The following PEPD variants were observed in gnomAD, a reference collection of about 807,000 sequenced individuals.
The protein encoded by PEPD is xaa-Pro dipeptidase.
A neutral mutation model predicts 60.7 loss-of-function variants in PEPD; 53 were observed. The observed-to-expected ratio is 0.87, with a 90% CI of 0.70 to 1.10. PEPD has a LOEUF of 1.10. Ranked by LOEUF, PEPD falls within the 50% of genes least tolerant of loss-of-function variation. The pLI, the probability that PEPD is intolerant of heterozygous loss-of-function variation, is 0.00. For missense variants in PEPD, 711 were observed against 711.9 expected (o/e 1.00, Z 0.01); for synonymous variants, 267 against 284.1 (o/e 0.94, Z 0.60).
intron 9 of PEPD, among the ~76,000 whole-genome samples, chr19:33,446,139 T>C (rs993719316): frequency 2.0e-5 from 3 of 152,074 alleles, no homozygotes; most frequent in Admixed American, 2.0e-4. Context: ...ATTCCCCGAG[T>C]TCTTCCTGGG....
In PEPD at chr19:33,463,848, A is replaced by G. The variant is rs1244895189; in HGVS notation, c.624+139T>C. 2.0e-5 allele frequency: 14 copies of G among 711,398 alleles called. No individual in the cohort carries two copies. In the Admixed American group the frequency reaches 2.8e-4, roughly 14 times the overall value. 44.1% of individuals were successfully genotyped at this position (711,398 alleles called of 1,614,324 possible). A position where few individuals can be genotyped will look rare whatever the true frequency, so the allele number is the denominator to read the frequency against. On this transcript the variant is annotated intron_variant, in intron 8 of 14. Transcript: ENST00000244137. ...CCACCAGGGAACAGAAAAGAGAACA[A>G]TCACTGTGTAAAACTTCCTACCTCT... is the stretch of plus-strand genomic sequence containing the variant.
rs188629691 is a variant in PEPD, at chr19:33,481,521, G to T, written c.504-3431C>A. On this transcript the variant is annotated intron_variant, in intron 6 of 14. Transcript: ENST00000244137. ...GCTGAGCATGCAGTGAGCCGAGATC[G>T]TGCCATTGCACTCCAGCCTGGGTGA... Among the ~76,000 whole-genome samples the T allele has an allele frequency of 1.4e-3, 211 of 152,186 alleles. 1 individual carries two copies. The highest frequency in any genetic ancestry group is 4.3e-3 in the African/African-American group (180 of 41,534).
chr19:33,400,574 T>C (rs1023619444), intron 12 of PEPD, among the ~76,000 whole-genome samples: 1 of 152,198 alleles, frequency 6.6e-6, no homozygotes, highest in Non-Finnish European at 1.5e-5. Context: ...CAGATCTCAG[T>C]CAGAGTCGTG....
At chr19:33,485,569 C>A (rs1480471143) in intron 6 of PEPD, among the ~76,000 whole-genome samples, 1 of 151,622 alleles carries the variant, frequency 6.6e-6, no homozygotes, top group Non-Finnish European at 1.5e-5. Flanking sequence ...AAACCACGGT[C>A]CTCAAACCAC....
chr19:33,476,857 G>A (rs531887055), intron 7 of PEPD, among the ~76,000 whole-genome samples: 10 of 152,084 alleles, frequency 6.6e-5, no homozygotes, highest in African/African-American at 2.4e-4. Context: ...TAGAGACGGG[G>A]TTTCACTGTG....
rs543182289 is a variant in PEPD at position 33,415,597 on chromosome 19, C to T, written c.672-1954G>A. 4.6e-5 allele frequency among the ~76,000 whole-genome samples: 7 copies of T among 152,306 alleles called. No individual in the cohort carries two copies. In the South Asian group the frequency reaches 1.4e-3, roughly 32 times the overall value. On this transcript the variant is annotated intron_variant, in intron 9 of 14. Transcript: ENST00000244137. ...TGGCTCTCTCGCCTGCAGCAAGCTT[C>T]CCCCTGCATAACCCACTCAGTGGAG...
At chr19:33,489,002 T>C (rs998960023) in intron 6 of PEPD, among the ~76,000 whole-genome samples, 2 of 151,984 alleles carry the variant, frequency 1.3e-5, no homozygotes, top group African/African-American at 2.4e-5. Flanking sequence ...CAGCCAGCAA[T>C]GCAGGCCACA....
At chr19:33,418,431 A>G (rs1361253628) in intron 9 of PEPD, among the ~76,000 whole-genome samples, 1 of 152,172 alleles carries the variant, frequency 6.6e-6, no homozygotes, top group Non-Finnish European at 1.5e-5. Flanking sequence ...CCAAAACCGG[A>G]TGTTTCTACC....
chr19:33,420,756 A>C (rs1198878288), intron 9 of PEPD, among the ~76,000 whole-genome samples: 1 of 151,774 alleles, frequency 6.6e-6, no homozygotes, highest in Non-Finnish European at 1.5e-5. Flanking sequence ...TAAAAAAAAA[A>C]CTCACCTTTT....
chr19:33,465,638 C>T (rs533684634), intron 7 of PEPD, among the ~76,000 whole-genome samples: 2 of 152,172 alleles, frequency 1.3e-5, no homozygotes, highest in Non-Finnish European at 2.9e-5. Context: ...CCTGAGAGCA[C>T]TCCTCAATAC....
chr19:33,462,606 A>G (rs1347136114), intron 9 of PEPD, among the ~76,000 whole-genome samples: 1 of 152,218 alleles, frequency 6.6e-6, no homozygotes. Flanking sequence ...ACCATCCCTC[A>G]ACCCAGTCGC....
rs562034613 is a variant in PEPD at position 33,425,880 on chromosome 19, C to A, written c.672-12237G>T. Among the ~76,000 whole-genome samples, 13 of 152,312 alleles carry A rather than the reference C, an allele frequency of 8.5e-5. No individual in the cohort carries two copies. In the South Asian group the frequency reaches 2.7e-3, roughly 32 times the overall value. ...TTTGGTTCAGAAGCTCCCCAAGTCC[C>A]CAGATGGCAGCCTCAAACTCCTGGG... On this transcript the variant is annotated intron_variant, in intron 9 of 14. Transcript: ENST00000244137.
chr19:33,413,026 C>T (rs1285339453), intron 10 of PEPD, among the ~76,000 whole-genome samples: 1 of 152,226 alleles, frequency 6.6e-6, no homozygotes, highest in Non-Finnish European at 1.5e-5. Flanking sequence ...CACACCCAAG[C>T]GCACACACCC....
At chr19:33,472,896 G>A (rs2145289077) in intron 7 of PEPD, among the ~76,000 whole-genome samples, 1 of 152,300 alleles carries the variant, frequency 6.6e-6, no homozygotes. Context: ...ATGACCCAGT[G>A]ATGCAAAGGA....
Position 33,387,105 on chromosome 19 carries a change from TAA to T in PEPD, c.*237_*238del, listed in dbSNP as rs1425088645. 7 of 565,150 alleles carry T rather than the reference TAA, an allele frequency of 1.2e-5. No individual in the cohort carries two copies. Among genetic ancestry groups the T allele is most frequent in the Non-Finnish European group, 1.6e-5 (5 of 317,514 alleles). The allele number at this position is 565,150 out of a possible 1,614,324, so 35.0% of individuals were successfully genotyped here. ...AGAACAGCATTATTTTCAATCATTTTAAGTCGCTCATTTAATAAGCAAGGTAT... is the reference window on the plus strand; with the variant it reads ...AGAACAGCATTATTTTCAATCATTTTGTCGCTCATTTAATAAGCAAGGTAT... On this transcript the variant is annotated 3_prime_UTR_variant, in exon 15 of 15. Transcript: ENST00000244137.
chr19:33,387,833 G>C, intron 14 of PEPD, 57 bp downstream of exon 14: 1 of 1,372,934 alleles, frequency 7.3e-7, no homozygotes, highest in Non-Finnish European at 1.0e-6. Context: ...GGAGTCTGCA[G>C]CTGCAGTGGA....
chr19:33,387,622 T>C, intron 14 of PEPD, 141 bp from the exon 15 acceptor site: 1 of 1,092,820 alleles, frequency 9.2e-7, no homozygotes, highest in Non-Finnish European at 1.4e-6. Flanking sequence ...CCGGGCTCCT[T>C]CATGGAGCCA....
chr19:33,453,171 AGGCATGGT>A (rs751477492), intron 9 of PEPD, among the ~76,000 whole-genome samples: 2 of 152,132 alleles, frequency 1.3e-5, no homozygotes, highest in Non-Finnish European at 2.9e-5. Flanking sequence ...AAAATTAGCC[AGGCATGGT>A]GGCACGTGCT....
chr19:33,479,992 C>T (rs1381084585), intron 6 of PEPD, among the ~76,000 whole-genome samples: 2 of 152,194 alleles, frequency 1.3e-5, no homozygotes, highest in East Asian at 1.9e-4. Context: ...GGAATTGCCA[C>T]GCTGTCTTCC....
Sources: allele counts gnomAD v4.1 joint callset (sites outside exome capture counted in the v4.1 genomes callset), GRCh38; gene constraint gnomAD v4.1.1; transcripts MANE v1.5; gene names NCBI Gene and HGNC (gene_info 2026-07-23, HGNC 2026-07-21).